Variants in PSEN1 observed in about 807,000 individuals in gnomAD.
PSEN1 encodes the protein presenilin-1.
A neutral mutation model predicts 53.5 loss-of-function variants in PSEN1; 15 were observed. That is an observed-to-expected ratio of 0.28 (90% CI 0.19 to 0.43). The LOEUF (loss-of-function observed/expected upper bound fraction) is 0.43. PSEN1 is among the 20% of genes least tolerant of loss of function. The probability of loss-of-function intolerance (pLI) is 1.00; values close to 1 mark genes in which losing one functional copy is unlikely to be tolerated. For missense variants in PSEN1, 387 were observed against 571.2 expected (o/e 0.68, Z 3.29); for synonymous variants, 208 against 209.8 (o/e 0.99, Z 0.08).
At chr14:73,199,580 T>G (rs957378126) in intron 8 of PSEN1, among the ~76,000 whole-genome samples, 1 of 152,232 alleles carries the variant, frequency 6.6e-6, no homozygotes, top group African/African-American at 2.4e-5. Flanking sequence ...AGTGCATCCA[T>G]GAACTTATGA....
At chr14:73,205,339 C>T (rs896584515) in intron 8 of PSEN1, among the ~76,000 whole-genome samples, 1 of 151,860 alleles carries the variant, frequency 6.6e-6, no homozygotes, top group Non-Finnish European at 1.5e-5. Flanking sequence ...ATTAGCCAGG[C>T]ATGGTGGCGG....
intron 3 of PSEN1, among the ~76,000 whole-genome samples, chr14:73,165,913 C>T (rs553511016): frequency 2.0e-4 from 31 of 151,564 alleles, no homozygotes; most frequent in African/African-American, 7.0e-4. Context: ...AACATTAAGC[C>T]GGCGCAGTGG....
chr14:73,213,339 G>A (rs1416928209), intron 10 of PSEN1, among the ~76,000 whole-genome samples: 1 of 151,894 alleles, frequency 6.6e-6, no homozygotes, highest in African/African-American at 2.4e-5. Context: ...TTTCATGACT[G>A]CCTTTTCTAA....
At position 73,196,893 on chromosome 14, in the gene PSEN1, T is replaced by C. The variant is rs567560768; in HGVS notation, c.770-1138T>C. On this transcript the variant is annotated intron_variant, in intron 7 of 11. Coordinates refer to ENST00000324501, the MANE Select transcript of PSEN1 (RefSeq NM_000021.4). ...TTATATTTTTCAGTGTTTAAAATTA[T>C]TTTTATATTTTTATATTCTGAATTT... 3.9e-5 allele frequency among the ~76,000 whole-genome samples: 6 copies of C among 152,028 alleles called. No individual in the cohort carries two copies. The South Asian group carries it at 1.2e-3, about 31-fold the overall frequency.
intron 5 of PSEN1, among the ~76,000 whole-genome samples, chr14:73,176,000 T>C (rs1898038745): frequency 6.6e-6 from 1 of 152,278 alleles, no homozygotes; most frequent in African/African-American, 2.4e-5. Context: ...AATGTCTTAA[T>C]TTGCATTTAG....
intron 6 of PSEN1, among the ~76,000 whole-genome samples, chr14:73,191,455 CTTTA>C (rs1159217737): frequency 3.3e-5 from 5 of 152,106 alleles, no homozygotes; most frequent in South Asian, 2.1e-4. Flanking sequence ...GAAAGCACAC[CTTTA>C]TTTAAGCATA....
intron 3 of PSEN1, among the ~76,000 whole-genome samples, chr14:73,165,512 G>T (rs987583308): frequency 6.8e-6 from 1 of 147,990 alleles, no homozygotes; most frequent in Admixed American, 6.8e-5. Flanking sequence ...TTGGGAGGCC[G>T]AGGTGGGCGG....
At chr14:73,186,762 G>A (rs915559397) in intron 5 of PSEN1, 91 bp from the exon 6 acceptor site, 1 of 1,061,172 alleles carries the variant, frequency 9.4e-7, no homozygotes, top group Non-Finnish European at 1.5e-6. Flanking sequence ...GGGCGACAAA[G>A]TGAGACCCTG....
At chr14:73,180,265 C>T (rs12882210) in intron 5 of PSEN1, among the ~76,000 whole-genome samples, 1 of 152,070 alleles carries the variant, frequency 6.6e-6, no homozygotes, top group African/African-American at 2.4e-5. Context: ...GACTACAGGC[C>T]TGAGCCACCA....
chr14:73,204,471 A>G (rs61986898), intron 8 of PSEN1, among the ~76,000 whole-genome samples: 8,444 of 151,694 alleles, frequency 0.056, 324 homozygotes, highest in Non-Finnish European at 0.089. Context: ...CTTGAAGCCA[A>G]ATATGGCCCA....
At position 73,168,847 on chromosome 14, in the gene PSEN1, G is replaced by A. The variant is rs118079222; in HGVS notation, c.88-1950G>A. 2.0e-3 allele frequency: 303 copies of A among 152,404 alleles called. 1 individual carries two copies. The highest frequency in any genetic ancestry group is 2.9e-3 in the Non-Finnish European group (200 of 68,086). 9.4% of individuals were successfully genotyped at this position (152,404 alleles called of 1,614,324 possible). A position where few individuals can be genotyped will look rare whatever the true frequency, so the allele number is the denominator to read the frequency against. On this transcript the variant is annotated intron_variant, in intron 3 of 11. Transcript: ENST00000324501. ...CACCTGGCCATCCCCGAATGGCCGC[G>A]TTGAAGGAGCATTGATTGTAACACA...
intron 10 of PSEN1, among the ~76,000 whole-genome samples, chr14:73,214,024 C>T (rs1899808342): frequency 6.6e-6 from 1 of 152,064 alleles, no homozygotes; most frequent in Admixed American, 6.6e-5. Context: ...CACAAAGACA[C>T]ATATACAATG....
intron 8 of PSEN1, among the ~76,000 whole-genome samples, chr14:73,202,546 C>G (rs1260319579): frequency 1.5e-5 from 2 of 131,136 alleles, no homozygotes; most frequent in African/African-American, 5.8e-5. Flanking sequence ...GATCTCGACT[C>G]ACTGCAAGCT....
chr14:73,172,696 T>C (rs1443102338), intron 4 of PSEN1, among the ~76,000 whole-genome samples: 3 of 152,236 alleles, frequency 2.0e-5, no homozygotes, highest in African/African-American at 7.2e-5. Flanking sequence ...ACTTTGTTAA[T>C]AGAAAATCAA....
Position 73,219,688 on chromosome 14 carries a change from C to T in PSEN1, c.*399C>T, listed in dbSNP as rs1449986792. On this transcript the variant is annotated 3_prime_UTR_variant, in exon 12 of 12. Transcript: ENST00000324501. ...GTTAGGTGAAGTGGTTTAAACCAAA[C>T]GGAACTCTTCATCTTAAACTACACG... The T allele has an allele frequency of 1.2e-5, 3 of 259,146 alleles. No homozygotes were observed. The highest frequency in any genetic ancestry group is 1.0e-4 in the Admixed American group (2 of 20,058). 16.1% of individuals were successfully genotyped at this position (259,146 alleles called of 1,614,324 possible).
chr14:73,157,190 A>G (rs1293986439), intron 3 of PSEN1, among the ~76,000 whole-genome samples: 1 of 149,628 alleles, frequency 6.7e-6, no homozygotes, highest in Admixed American at 6.7e-5. Context: ...CAGTGGCATG[A>G]TCTTGGCTCA....
At chr14:73,182,063 T>G (rs1358090560) in intron 5 of PSEN1, among the ~76,000 whole-genome samples, 1 of 152,222 alleles carries the variant, frequency 6.6e-6, no homozygotes, top group Non-Finnish European at 1.5e-5. Flanking sequence ...CGTGAGCCAC[T>G]GTGCCTGGCC....
chr14:73,174,872 A>T (rs920466722), intron 5 of PSEN1, among the ~76,000 whole-genome samples: 1 of 152,094 alleles, frequency 6.6e-6, no homozygotes, highest in Non-Finnish European at 1.5e-5. Context: ...CTCCTCCCCT[A>T]GCTCGCTCTT....
intron 5 of PSEN1, among the ~76,000 whole-genome samples, chr14:73,183,119 A>G (rs985146986): frequency 6.6e-6 from 1 of 151,824 alleles, no homozygotes; most frequent in Non-Finnish European, 1.5e-5. Flanking sequence ...TTCTCAGCTT[A>G]CCTTTTTTGT....
Sources: allele counts gnomAD v4.1 joint callset (sites outside exome capture counted in the v4.1 genomes callset), GRCh38; gene constraint gnomAD v4.1.1; transcripts MANE v1.5; gene names NCBI Gene and HGNC (gene_info 2026-07-23, HGNC 2026-07-21).